DIP2C: variants seen among roughly 807,000 people sequenced by gnomAD.
DIP2C encodes the protein disco-interacting protein 2 homolog C.
DIP2C carries 33 observed loss-of-function variants against 192.4 expected under a neutral mutation model. The ratio of observed to expected loss-of-function variants is 0.17; its 90% CI spans 0.13 to 0.23. DIP2C has a LOEUF of 0.23. Among genes scored for constraint, DIP2C ranks in the 10% least tolerant of loss-of-function variants. DIP2C has a pLI of 1.00. For synonymous variants in DIP2C, 979 were observed against 864.1 expected (o/e 1.13, Z -2.33); for missense variants, 1,537 against 2,110.1 (o/e 0.73, Z 5.32).
intron 1 of DIP2C, among the ~76,000 whole-genome samples, chr10:577,382 T>C (rs549342260): frequency 6.6e-6 from 1 of 152,330 alleles, no homozygotes; most frequent in African/African-American, 2.4e-5. Context: ...ATTAGTCACG[T>C]TTAAGTCAGT....
Position 325,756 on chromosome 10 carries a change from T to C in DIP2C, c.3924+1250A>G, listed in dbSNP as rs182550994. Among the ~76,000 whole-genome samples, 8 of 152,336 alleles carry C rather than the reference T, an allele frequency of 5.3e-5. No individual in the cohort carries two copies. The East Asian group carries it at 1.5e-3, about 29-fold the overall frequency. On this transcript the variant is annotated intron_variant, in intron 31 of 36. Coordinates refer to ENST00000280886, the MANE Select transcript of DIP2C (RefSeq NM_014974.3). The stretch of plus-strand genomic sequence containing the variant: ...TCAGATGACCTCTTAGAAAAGGGTA[T>C]TATTTTAATCATAGGACAAGGTTTA...
Position 651,472 on chromosome 10 carries a change from T to A in DIP2C, c.85+38022A>T. On this transcript the variant is annotated intron_variant, in intron 1 of 36. Transcript: ENST00000280886. The surrounding 1 kb of genome is among the most constrained non-coding windows in gnomAD (Gnocchi z 4.1). ...ATAGCAGAAGACTTAGTAGAATGTA[T>A]GAGTAACAATTACAATTATATGAAA... The A allele has an allele frequency of 1.6e-6, 1 of 633,626 alleles. No individual in the cohort carries two copies. The highest frequency in any genetic ancestry group is 2.9e-6 in the Non-Finnish European group (1 of 345,692). The allele number at this position is 633,626 out of a possible 1,614,324, so 39.3% of individuals were successfully genotyped here.
At chr10:669,790 T>C (rs1308268269) in intron 1 of DIP2C, among the ~76,000 whole-genome samples, 1 of 152,192 alleles carries the variant, frequency 6.6e-6, no homozygotes, top group Non-Finnish European at 1.5e-5. Context: ...GACAGAATAT[T>C]CCACGTTTCA....
At chr10:593,602 C>G (rs1167396398) in intron 1 of DIP2C, among the ~76,000 whole-genome samples, 1 of 151,638 alleles carries the variant, frequency 6.6e-6, no homozygotes, top group African/African-American at 2.4e-5. Flanking sequence ...TACTTCCCCC[C>G]AAAAGCTGGG....
At chr10:550,041 CCTCT>C (rs1848506889) in intron 1 of DIP2C, among the ~76,000 whole-genome samples, 4 of 150,492 alleles carry the variant, frequency 2.7e-5, no homozygotes, top group Admixed American at 2.6e-4. Flanking sequence ...AGACAGTCTC[CCTCT>C]GTCGCCCAGG....
At chr10:280,124 AG>A (rs1954735545) in intron 36 of DIP2C, among the ~76,000 whole-genome samples, 1 of 152,142 alleles carries the variant, frequency 6.6e-6, no homozygotes, top group African/African-American at 2.4e-5. Context: ...AGGACTTTTG[AG>A]AGTAGGGGCT....
At chr10:605,520 C>G (rs567940744) in intron 1 of DIP2C, among the ~76,000 whole-genome samples, 2 of 152,334 alleles carry the variant, frequency 1.3e-5, no homozygotes, top group African/African-American at 2.4e-5. Context: ...CAAGACTGTG[C>G]TGGAGAAAGC....
intron 3 of DIP2C, among the ~76,000 whole-genome samples, chr10:460,815 G>A (rs889287289): frequency 1.3e-5 from 2 of 152,130 alleles, no homozygotes; most frequent in Non-Finnish European, 2.9e-5. Flanking sequence ...GAAAGGTAGG[G>A]TTACCCACAA....
chr10:434,065 C>T lies in DIP2C; in HGVS notation c.394+6806G>A, dbSNP rs79487166. Among the ~76,000 whole-genome samples, 938 of 152,192 alleles carry T rather than the reference C, an allele frequency of 6.2e-3. 13 individuals carry two copies. The highest frequency in any genetic ancestry group is 0.022 in the African/African-American group (905 of 41,520). Reference sequence around the variant, plus strand: ...ACACTATACTGCTTTCTGGATAATGCAAGCACACTATAAAAACAAAATAAT... The same window carrying T: ...ACACTATACTGCTTTCTGGATAATGTAAGCACACTATAAAAACAAAATAAT... On this transcript the variant is annotated intron_variant, in intron 4 of 36. Coordinates refer to ENST00000280886, the MANE Select transcript of DIP2C (RefSeq NM_014974.3).
At chr10:347,380 C>T (rs1958534325) in intron 26 of DIP2C, among the ~76,000 whole-genome samples, 1 of 146,902 alleles carries the variant, frequency 6.8e-6, no homozygotes, top group Admixed American at 6.9e-5. Flanking sequence ...GCGCATAGTT[C>T]TCCCGGAAAC....
chr10:592,433 A>C (rs1334450838), intron 1 of DIP2C, among the ~76,000 whole-genome samples: 2 of 152,230 alleles, frequency 1.3e-5, no homozygotes, highest in African/African-American at 2.4e-5. Flanking sequence ...TCGATACGAA[A>C]ACAGATGAAT....
intron 1 of DIP2C, among the ~76,000 whole-genome samples, chr10:522,837 G>A (rs1393917752): frequency 6.6e-6 from 1 of 152,184 alleles, no homozygotes; most frequent in South Asian, 2.1e-4. Context: ...CCACAAGCTC[G>A]TTTCTACCTG....
At chr10:524,984 G>A (rs1035512654) in intron 1 of DIP2C, among the ~76,000 whole-genome samples, 5,326 of 77,720 alleles carry the variant, frequency 0.069, 6 homozygotes, top group African/African-American at 0.2. Flanking sequence ...AAAAAAAAAA[G>A]AATCACATTT....
intron 1 of DIP2C, among the ~76,000 whole-genome samples, chr10:519,918 A>G (rs2130811338): frequency 6.6e-6 from 1 of 152,298 alleles, no homozygotes; most frequent in East Asian, 1.9e-4. Context: ...AGCCACTGAG[A>G]CGTGGGCCTT....
intron 10 of DIP2C, among the ~76,000 whole-genome samples, chr10:392,760 ACACACTTAACACTCT>A (rs1220747550): frequency 1.3e-5 from 2 of 151,570 alleles, no homozygotes; most frequent in East Asian, 3.9e-4. Context: ...ATACACACAC[ACACACTTAACACTCT>A]CACACGCGCC....
At chr10:375,250 A>C (rs1961428346) in intron 17 of DIP2C, among the ~76,000 whole-genome samples, 1 of 152,170 alleles carries the variant, frequency 6.6e-6, no homozygotes, top group South Asian at 2.1e-4. Context: ...AGTTGTTTAG[A>C]ATAGAGCTGG....
At chr10:306,868 C>G (rs1956347947) in intron 32 of DIP2C, among the ~76,000 whole-genome samples, 1 of 152,212 alleles carries the variant, frequency 6.6e-6, no homozygotes, top group Non-Finnish European at 1.5e-5. Context: ...TTTACTGCAC[C>G]TGTTCTGAGC....
intron 1 of DIP2C, among the ~76,000 whole-genome samples, chr10:555,587 G>GA (rs1482162113): frequency 6.6e-6 from 1 of 152,138 alleles, no homozygotes; most frequent in East Asian, 1.9e-4. Context: ...TCATATTTAG[G>GA]AAACTCAGGT....
At position 345,021 on chromosome 10, in the gene DIP2C, C is replaced by T. The variant is rs547867069; in HGVS notation, c.3321G>A (p.Thr1107=). 3.7e-6 allele frequency: 6 copies of T among 1,612,984 alleles called. No homozygotes were observed. Among genetic ancestry groups the T allele is most frequent in the East Asian group, 2.2e-5 (1 of 44,890 alleles). Residue 1107 remains threonine (T), a synonymous_variant, in exon 27 of 37, where the codon ACG becomes ACA. Coordinates refer to ENST00000280886, the MANE Select transcript of DIP2C (RefSeq NM_014974.3). ...REAAAAVDVR[T]WPLILDTDDL... ...AACCTGTGTCCAGGATGAGGGGCCA[C>T]GTCCTGACGTCCACAGCCGCCGCCG...
Sources: gnomAD v4.1 joint callset for allele counts (sites outside exome capture counted in the v4.1 genomes callset) on GRCh38, gnomAD v4.1.1 for gene constraint, Gnocchi (gnomAD v3.1) non-coding constraint, MANE v1.5 for transcripts, NCBI Gene and HGNC (gene_info 2026-07-23, HGNC 2026-07-21) for gene names.